PSMD11: variants seen among roughly 807,000 people sequenced by gnomAD.
The protein encoded by PSMD11 is 26S proteasome non-ATPase regulatory subunit 11.
Under a neutral mutation model 62.3 loss-of-function variants are expected in PSMD11, and 5 were observed. The observed-to-expected ratio is 0.08, with a 90% CI of 0.04 to 0.17. The LOEUF is 0.17. Ranked by LOEUF, PSMD11 falls within the 10% of genes least tolerant of loss-of-function variation. PSMD11 has a pLI of 1.00. For missense variants in PSMD11, 310 were observed against 512.9 expected, an observed-to-expected ratio of 0.60 and a Z score of 3.82; for synonymous variants, 191 against 191.8, an observed-to-expected ratio of 1.00 and a Z score of 0.03.
rs117231975 is a variant in PSMD11, at chr17:32,466,154, C to T, written c.448+1576C>T. Among the ~76,000 whole-genome samples, 930 of 152,282 alleles carry T rather than the reference C, an allele frequency of 6.1e-3. 26 individuals are homozygous for T. The highest frequency in any genetic ancestry group is 0.041 in the East Asian group (213 of 5,156). On this transcript the variant is annotated intron_variant, in intron 5 of 13. Transcript: ENST00000261712. ...GAGATTACAGGCACCTGTCACCATGCCTGGCTAATTTTTGTATCTTTTAGT... is the reference window on the plus strand; with the variant it reads ...GAGATTACAGGCACCTGTCACCATGTCTGGCTAATTTTTGTATCTTTTAGT...
Position 32,444,626 on chromosome 17 carries a change from C to T in PSMD11, c.91+12C>T, listed in dbSNP as rs1907267289. ...CCTCCACTCCATCGGTAAAGGTCGC[C>T]GCGCCGCCTCCCCGGCCCCGCCGGC... is the stretch of plus-strand genomic sequence containing the variant. On this transcript the variant is annotated intron_variant, in intron 1 of 13. Transcript: ENST00000261712. 1.2e-6 allele frequency: 2 copies of T among 1,610,176 alleles called. No homozygotes were observed. The highest frequency in any genetic ancestry group is 1.7e-6 in the Non-Finnish European group (2 of 1,178,898).
intron 5 of PSMD11, among the ~76,000 whole-genome samples, chr17:32,465,114 TTTA>T (rs1012591894): frequency 7.9e-5 from 12 of 151,382 alleles, no homozygotes; most frequent in Non-Finnish European, 1.2e-4. Flanking sequence ...TATCTATCTA[TTTA>T]TTATTATTAT....
chr17:32,460,755 C>CA (rs397939444), intron 3 of PSMD11, among the ~76,000 whole-genome samples: 52,221 of 123,860 alleles, frequency 0.42, 10,299 homozygotes, highest in Non-Finnish European at 0.49. Context: ...GACACTGTCT[C>CA]AAAAAAAAAA....
intron 4 of PSMD11, 56 bp downstream of exon 4, chr17:32,464,176 T>G (rs536687094): frequency 6.8e-7 from 1 of 1,461,856 alleles, no homozygotes; most frequent in East Asian, 2.3e-5. Flanking sequence ...AGAGGGTGAA[T>G]GTAAGCAGTA....
intron 3 of PSMD11, among the ~76,000 whole-genome samples, chr17:32,459,490 G>T (rs1334440512): frequency 1.3e-5 from 2 of 151,840 alleles, no homozygotes; most frequent in Non-Finnish European, 2.9e-5. Flanking sequence ...CTCTGGACTC[G>T]GCCTCCCAAA....
chr17:32,462,281 G>C (rs1296136962), intron 3 of PSMD11, among the ~76,000 whole-genome samples: 1 of 152,114 alleles, frequency 6.6e-6, no homozygotes, highest in African/African-American at 2.4e-5. Context: ...ACCCTTTGAA[G>C]TCATGTAGAA....
intron 3 of PSMD11, among the ~76,000 whole-genome samples, chr17:32,457,082 G>C (rs1351569829): frequency 1.3e-5 from 2 of 152,198 alleles, no homozygotes; most frequent in Admixed American, 1.3e-4. Flanking sequence ...TGACTGGTTA[G>C]GCGCTCCCTT....
rs771862489 is a variant in PSMD11, at chr17:32,479,290, A to G, written c.952A>G (p.Ile318Val). The change falls in exon 10 of 14, where the codon ATC becomes GTC. Residue 318 changes from isoleucine to valine, a missense_variant. By Grantham distance (29) the Ile-to-Val change is conservative. Around this residue, in one of 6 missense-constraint regions of PSMD11, gnomAD observed 135 missense variants for 195.4 expected, o/e 0.69. Coordinates refer to ENST00000261712, the MANE Select transcript of PSMD11 (RefSeq NM_002815.4). The part of the protein sequence containing the change: ...DYRAELRDDP[I>V]ISTHLAKLYD... ...CCGGGCAGAGCTCCGGGATGACCCAATCATCAGCACACACTTGGCCAAGTT... is the reference window on the plus strand; with the variant it reads ...CCGGGCAGAGCTCCGGGATGACCCAGTCATCAGCACACACTTGGCCAAGTT... 3.7e-6 allele frequency: 6 copies of G among 1,614,094 alleles called. No individual in the cohort carries two copies. The highest frequency in any genetic ancestry group is 1.1e-5 in the South Asian group (1 of 91,084).
intron 5 of PSMD11, among the ~76,000 whole-genome samples, chr17:32,467,849 GTTTGTTACATAGGTAAAC>G (rs1380034199): frequency 1.3e-5 from 2 of 152,120 alleles, no homozygotes; most frequent in African/African-American, 4.8e-5. Flanking sequence ...ACATGTGCAG[GTTTGTTACATAGGTAAAC>G]TTGCGTCATG....
chr17:32,455,587 C>G (rs1907625291), intron 3 of PSMD11, among the ~76,000 whole-genome samples: 1 of 152,100 alleles, frequency 6.6e-6, no homozygotes, highest in African/African-American at 2.4e-5. Flanking sequence ...ACACATGGAT[C>G]CTACTTTGGA....
chr17:32,465,669 C>T (rs955990066), intron 5 of PSMD11, among the ~76,000 whole-genome samples: 3 of 152,114 alleles, frequency 2.0e-5, no homozygotes, highest in African/African-American at 7.2e-5. Context: ...ACCATCACCA[C>T]TACTTAATTT....
At chr17:32,467,964 C>T (rs1908046049) in intron 5 of PSMD11, among the ~76,000 whole-genome samples, 1 of 152,194 alleles carries the variant, frequency 6.6e-6, no homozygotes. Context: ...TCCTCCCACC[C>T]TCTGATAGGC....
At chr17:32,456,786 C>T (rs112555743) in intron 3 of PSMD11, among the ~76,000 whole-genome samples, 3,361 of 152,332 alleles carry the variant, frequency 0.022, 109 homozygotes, top group African/African-American at 0.075. Context: ...CTGCCTCGGC[C>T]TCCCAAAATG....
chr17:32,476,123 G>A (rs1264264292), intron 8 of PSMD11, among the ~76,000 whole-genome samples: 1 of 151,972 alleles, frequency 6.6e-6, no homozygotes, highest in Non-Finnish European at 1.5e-5. Flanking sequence ...AATTAGCCGG[G>A]CATGGTAGTG....
intron 3 of PSMD11, among the ~76,000 whole-genome samples, chr17:32,460,897 G>A (rs1278182122): frequency 6.6e-6 from 1 of 152,086 alleles, no homozygotes; most frequent in East Asian, 1.9e-4. Flanking sequence ...GTCGGGGAGT[G>A]AGAGAGTGAG....
intron 3 of PSMD11, chr17:32,454,941 A>G: frequency 4.4e-6 from 1 of 228,254 alleles, no homozygotes; most frequent in Non-Finnish European, 8.8e-6. Flanking sequence ...CTTGTGTCAC[A>G]AAGCTCCTTC....
In PSMD11 at chr17:32,451,218, G is replaced by C. The variant is rs148526928; in HGVS notation, c.194-3277G>C. ...TAAGAAGGATAACACTCAGTGCTTA[G>C]AGAAAATATTGTAAGGCTAGCAGGT... On this transcript the variant is annotated intron_variant, in intron 2 of 13. Coordinates refer to ENST00000261712, the MANE Select transcript of PSMD11 (RefSeq NM_002815.4). Among the ~76,000 whole-genome samples the C allele has an allele frequency of 1.7e-3, 265 of 152,212 alleles. 1 individual carries two copies. The highest frequency in any genetic ancestry group is 6.0e-3 in the African/African-American group (250 of 41,520).
intron 5 of PSMD11, among the ~76,000 whole-genome samples, chr17:32,468,137 T>C (rs1448572980): frequency 6.6e-6 from 1 of 152,242 alleles, no homozygotes; most frequent in Admixed American, 6.5e-5. Flanking sequence ...GATCTCGTTC[T>C]TTTTTATGGC....
At chr17:32,459,695 T>C (rs1007468105) in intron 3 of PSMD11, among the ~76,000 whole-genome samples, 1 of 152,210 alleles carries the variant, frequency 6.6e-6, no homozygotes, top group Non-Finnish European at 1.5e-5. Flanking sequence ...AGATGGAGTC[T>C]TACTCTGTCT....
Sources: gnomAD v4.1 joint callset for allele counts (sites outside exome capture counted in the v4.1 genomes callset) on GRCh38, gnomAD v4.1.1 for gene constraint, gnomAD v4.1.1 regional missense constraint, MANE v1.5 for transcripts, NCBI Gene and HGNC (gene_info 2026-07-23, HGNC 2026-07-21) for gene names.